Variants in ANKRD11 observed in about 807,000 individuals in gnomAD.
ANKRD11 encodes the protein ankyrin repeat domain 11, also known as ankyrin repeat domain-containing protein 11.
A neutral mutation model predicts 195.7 loss-of-function variants in ANKRD11; 17 were observed. The observed-to-expected ratio is 0.09, with a 90% CI of 0.06 to 0.13. The LOEUF (loss-of-function observed/expected upper bound fraction) is 0.13, where lower values mean the gene tolerates loss of function less well. Among genes scored for constraint, ANKRD11 ranks in the 10% least tolerant of loss-of-function variants. ANKRD11 has a pLI of 1.00. For missense variants in ANKRD11, 3,735 were observed against 3,566.1 expected, an observed-to-expected ratio of 1.05 and a Z score of -1.21; for synonymous variants, 1,953 against 1,528.1, an observed-to-expected ratio of 1.28 and a Z score of -6.49.
At chr16:89,292,837 C>T (rs1347726448) in intron 4 of ANKRD11, among the ~76,000 whole-genome samples, 1 of 152,370 alleles carries the variant, frequency 6.6e-6, no homozygotes, top group Admixed American at 6.5e-5. Flanking sequence ...GGGTCACAGG[C>T]GCTTGGCTGT....
At chr16:89,378,863 T>TTAA (rs1382033186) in intron 2 of ANKRD11, among the ~76,000 whole-genome samples, 5 of 137,636 alleles carry the variant, frequency 3.6e-5, no homozygotes, top group African/African-American at 1.4e-4. Flanking sequence ...GGTTGATGGG[T>TTAA]GGGGCGAGGT....
At chr16:89,362,560 G>A (rs530515767) in intron 2 of ANKRD11, among the ~76,000 whole-genome samples, 2 of 152,354 alleles carry the variant, frequency 1.3e-5, no homozygotes, top group East Asian at 3.9e-4. Flanking sequence ...AAAAGTAGAA[G>A]TTCCTCTTCA....
At chr16:89,272,969 A>G (rs759280067) in intron 11 of ANKRD11, 3 of 148,406 alleles carry the variant, frequency 2.0e-5, no homozygotes, top group Non-Finnish European at 4.5e-5. Context: ...ATGGACACAG[A>G]GTAGAACGAC....
chr16:89,356,789 A>AAAAAAAAG (rs2039499459), intron 2 of ANKRD11, among the ~76,000 whole-genome samples: 1 of 151,186 alleles, frequency 6.6e-6, no homozygotes, highest in African/African-American at 2.4e-5. Context: ...TCAAAAAAAA[A>AAAAAAAAG]AAAAAAGAAA....
intron 1 of ANKRD11, among the ~76,000 whole-genome samples, chr16:89,473,909 T>C (rs2057170321): frequency 6.6e-6 from 1 of 152,192 alleles, no homozygotes; most frequent in Non-Finnish European, 1.5e-5. Context: ...GGTGGCAAAG[T>C]TGCTGCGCTG....
intron 1 of ANKRD11, among the ~76,000 whole-genome samples, chr16:89,427,740 A>G (rs2042775368): frequency 6.6e-6 from 1 of 152,006 alleles, no homozygotes; most frequent in Non-Finnish European, 1.5e-5. Flanking sequence ...CAGAGGTTGC[A>G]GTGAGCTGAG....
At chr16:89,378,811 T>C (rs2040527556) in intron 2 of ANKRD11, among the ~76,000 whole-genome samples, 1 of 152,134 alleles carries the variant, frequency 6.6e-6, no homozygotes, top group East Asian at 1.9e-4. Flanking sequence ...GTCTCAAACT[T>C]CAGGCGCTGT....
At position 89,283,607 on chromosome 16, in the gene ANKRD11, A is replaced by G. The variant is rs1336837206; in HGVS notation, c.2935T>C (p.Cys979Arg). ...EEAHREELKE[C>R]GCESGFKDKS... is the part of the protein sequence containing the mutation. ...TCCTTGAAGCCACTCTCGCAGCCACACTCCTTCAGCTCCTCCCGGTGCGCC... is the reference window on the plus strand; with the variant it reads ...TCCTTGAAGCCACTCTCGCAGCCACGCTCCTTCAGCTCCTCCCGGTGCGCC... The change falls in exon 9 of 13, where the codon TGT (cysteine) becomes CGT (arginine). Residue 979 changes from cysteine to arginine, a missense_variant. By Grantham distance (180) the Cys-to-Arg change is radical. Transcript: ENST00000301030. This position sits in a 1 kb window ranked among gnomAD's most constrained non-coding sequence, Gnocchi z 4.3. The G allele has an allele frequency of 6.2e-7, 1 of 1,608,918 alleles. No homozygotes were observed. The highest frequency in any genetic ancestry group is 8.5e-7 in the Non-Finnish European group (1 of 1,179,702).
chr16:89,423,236 T>G (rs1414254908), intron 1 of ANKRD11, among the ~76,000 whole-genome samples: 1 of 152,242 alleles, frequency 6.6e-6, no homozygotes, highest in Admixed American at 6.5e-5. Context: ...TATGACCTTA[T>G]GCAAACAATG....
intron 4 of ANKRD11, chr16:89,300,721 T>C (rs1469340519): frequency 5.5e-6 from 3 of 542,520 alleles, no homozygotes; most frequent in Non-Finnish European, 6.6e-6. Context: ...AGGAAAAGAC[T>C]GAAGGTGCCA....
At chr16:89,318,859 G>A (rs974406945) in intron 2 of ANKRD11, among the ~76,000 whole-genome samples, 1 of 152,196 alleles carries the variant, frequency 6.6e-6, no homozygotes, top group African/African-American at 2.4e-5. Context: ...AGGTGAGCAG[G>A]TGTTTCCATC....
At position 89,283,545 on chromosome 16, in the gene ANKRD11, C is replaced by A. The variant is rs768109876; in HGVS notation, c.2997G>T (p.Pro999=). 36 of 1,612,626 alleles carry A rather than the reference C, an allele frequency of 2.2e-5. No homozygotes were observed. The highest frequency in any genetic ancestry group is 3.0e-5 in the Non-Finnish European group (35 of 1,180,030). The change falls in exon 9 of 13, where the codon CCG becomes CCT. Residue 999 remains proline, a synonymous_variant. Transcript: ENST00000301030. The surrounding 1 kb of genome is among the most constrained non-coding windows in gnomAD (Gnocchi z 4.3). ...SDGDFGKGLE[P]WERHHPAREK... ...CTCGTGCTGGGTGGTGCCGTTCCCA[C>A]GGCTCCAGGCCCTTCCCAAAGTCGC...
At chr16:89,303,284 G>A (rs1326140441) in intron 4 of ANKRD11, among the ~76,000 whole-genome samples, 1 of 152,154 alleles carries the variant, frequency 6.6e-6, no homozygotes, top group Admixed American at 6.5e-5. Flanking sequence ...TCAACATGAC[G>A]GCCTTCTACA....
chr16:89,351,221 C>T (rs998054103), intron 2 of ANKRD11, among the ~76,000 whole-genome samples: 5 of 152,148 alleles, frequency 3.3e-5, no homozygotes, highest in African/African-American at 1.2e-4. Flanking sequence ...TGGGCATGGG[C>T]GAGGGGTTCC....
rs60723753 is a variant in ANKRD11 at position 89,407,852 on chromosome 16, CAAAAAAAAAAAA to C, written c.-60+10420_-60+10431del. ...GTGAGAGTCAGATCCTGTCTCCCTC[CAAAAAAAAAAAA>C]AAAAAAAAAGAAGAAGAAGAAATAT... On this transcript the variant is annotated intron_variant, in intron 2 of 12. Coordinates refer to ENST00000301030, the MANE Select transcript of ANKRD11 (RefSeq NM_013275.6). 3.7e-3 allele frequency among the ~76,000 whole-genome samples: 417 copies of C among 111,434 alleles called. 6 individuals carry two copies. The highest frequency in any genetic ancestry group is 0.013 in the African/African-American group (400 of 30,244). 73.1% of individuals were successfully genotyped at this position (111,434 alleles called of 152,430 possible).
In ANKRD11 at chr16:89,268,192, G is replaced by C. The variant is rs1436708344; in HGVS notation, c.*286C>G. ...CGAAGGTCGCCGTTTTCAAACAGAA[G>C]CTGCCGTGTGTGCGCGCCCGGCATG... On this transcript the variant is annotated 3_prime_UTR_variant, in exon 13 of 13. Coordinates refer to ENST00000301030, the MANE Select transcript of ANKRD11 (RefSeq NM_013275.6). 1.6e-5 allele frequency: 3 copies of C among 184,550 alleles called. No individual in the cohort carries two copies. In the East Asian group the frequency reaches 3.7e-4, roughly 23 times the overall value. 11.4% of individuals were successfully genotyped at this position (184,550 alleles called of 1,614,324 possible). A position where few individuals can be genotyped will look rare whatever the true frequency, so the allele number is the denominator to read the frequency against.
Position 89,436,003 on chromosome 16 carries a change from G to A in ANKRD11, c.-144-17635C>T, listed in dbSNP as rs966822448. Among the ~76,000 whole-genome samples, 122 of 152,216 alleles carry A rather than the reference G, an allele frequency of 8.0e-4. 2 individuals are homozygous for A. The highest frequency in any genetic ancestry group is 1.9e-4 in the Non-Finnish European group (13 of 68,028). ...CACGCCCACCAGCCCAGCAGGTGCT[G>A]CTGAGAGCAGAGGGTTTTGCAGGGT... On this transcript the variant is annotated intron_variant, in intron 1 of 12. Transcript: ENST00000301030.
At position 89,418,330 on chromosome 16, in the gene ANKRD11, T is replaced by G. The variant is rs1242653603; in HGVS notation, c.-106A>C. The G allele has an allele frequency of 4.4e-6, 2 of 453,864 alleles. No individual in the cohort carries two copies. The highest frequency in any genetic ancestry group is 8.8e-6 in the Non-Finnish European group (2 of 226,694). The allele number at this position is 453,864 out of a possible 1,614,324, so 28.1% of individuals were successfully genotyped here. A position where few individuals can be genotyped will look rare whatever the true frequency, so the allele number is the denominator to read the frequency against. On this transcript the variant is annotated 5_prime_UTR_variant, in exon 2 of 13. Coordinates refer to ENST00000301030, the MANE Select transcript of ANKRD11 (RefSeq NM_013275.6). ...GTGCTGACGAGGACTGTCTTTTAAA[T>G]CCAATGGAGGTGTGTCCCAGAGCAG...
chr16:89,336,141 G>C (rs1597693028), intron 2 of ANKRD11, among the ~76,000 whole-genome samples: 1 of 152,218 alleles, frequency 6.6e-6, no homozygotes, highest in East Asian at 1.9e-4. Flanking sequence ...GTAATCCACA[G>C]AACCCAGGCC....
Sources: gnomAD v4.1 joint callset for allele counts (sites outside exome capture counted in the v4.1 genomes callset) on GRCh38, gnomAD v4.1.1 for gene constraint, Gnocchi (gnomAD v3.1) non-coding constraint, MANE v1.5 for transcripts, NCBI Gene and HGNC (gene_info 2026-07-23, HGNC 2026-07-21) for gene names.